Variants in STPG2 observed in about 807,000 individuals in gnomAD.
STPG2 encodes the protein sperm-tail PG-rich repeat-containing protein 2.
STPG2 carries 56 observed loss-of-function variants against 54.2 expected under a neutral mutation model. The observed-to-expected ratio is 1.03, with a 90% confidence interval of 0.83 to 1.29. The LOEUF (loss-of-function observed/expected upper bound fraction) is 1.29, where lower values mean the gene tolerates loss of function less well. Among genes scored for constraint, STPG2 ranks in the 50% most tolerant of loss-of-function variants. The pLI is 0.00. For synonymous variants in STPG2, 200 were observed against 181.8 expected (o/e 1.10, Z -0.81); for missense variants, 596 against 544.9 (o/e 1.09, Z -0.93).
At chr4:97,961,173 T>C (rs1335595045) in intron 7 of STPG2, among the ~76,000 whole-genome samples, 1 of 151,394 alleles carries the variant, frequency 6.6e-6, no homozygotes, top group South Asian at 2.1e-4. Flanking sequence ...TGAATCCTCA[T>C]TTCTCACCTT....
chr4:97,816,067 TC>T (rs1426743255), intron 9 of STPG2, among the ~76,000 whole-genome samples: 1 of 152,018 alleles, frequency 6.6e-6, no homozygotes, highest in Non-Finnish European at 1.5e-5. Flanking sequence ...TGTGTGGTGC[TC>T]CCCTCCCTGT....
At chr4:97,835,431 T>C (rs1480859821) in intron 9 of STPG2, among the ~76,000 whole-genome samples, 6 of 152,154 alleles carry the variant, frequency 3.9e-5, no homozygotes, top group Non-Finnish European at 7.4e-5. Context: ...GCTCTGTCTA[T>C]GGAGTAGCCA....
intron 8 of STPG2, among the ~76,000 whole-genome samples, chr4:97,862,697 T>C (rs1396825791): frequency 6.6e-6 from 1 of 152,128 alleles, no homozygotes; most frequent in Non-Finnish European, 1.5e-5. Flanking sequence ...GAGTTGGAAG[T>C]AAAGCACTCC....
intron 9 of STPG2, among the ~76,000 whole-genome samples, chr4:97,796,690 T>C (rs1314721798): frequency 1.1e-4 from 17 of 152,240 alleles, no homozygotes; most frequent in Admixed American, 1.1e-3. Flanking sequence ...GCTGGCTTTT[T>C]CTTAGTTCCA....
rs1162745005 is a variant in STPG2 at position 97,581,565 on chromosome 4, C to T, written c.1321-22448G>A. Among the ~76,000 whole-genome samples, 4 of 152,036 alleles carry T rather than the reference C, an allele frequency of 2.6e-5. No homozygotes were observed. In the East Asian group the frequency reaches 5.8e-4, roughly 22 times the overall value. On this transcript the variant is annotated intron_variant, in intron 10 of 10. Coordinates refer to ENST00000295268, the MANE Select transcript of STPG2 (RefSeq NM_174952.3). ...GCCTACTTTCAAAAATAATTTGGAA[C>T]TATTAATTACACTATAAAGTCTAAA...
chr4:97,878,148 C>A (rs1278796992), intron 8 of STPG2, among the ~76,000 whole-genome samples: 1 of 152,196 alleles, frequency 6.6e-6, no homozygotes, highest in African/African-American at 2.4e-5. Context: ...AACTCCAACC[C>A]TGTGGCTTTG....
intron 9 of STPG2, among the ~76,000 whole-genome samples, chr4:97,832,064 A>G (rs2149113112): frequency 6.6e-6 from 1 of 152,316 alleles, no homozygotes; most frequent in South Asian, 2.1e-4. Flanking sequence ...GAGACACAAC[A>G]AAAACAGAAA....
intron 10 of STPG2, among the ~76,000 whole-genome samples, chr4:97,598,568 AAC>A (rs1553941415): frequency 3.3e-5 from 5 of 151,898 alleles, no homozygotes; most frequent in African/African-American, 9.7e-5. Context: ...AAAAAAAAAA[AAC>A]AGACATATAG....
At position 97,980,200 on chromosome 4, in the gene STPG2, T is replaced by A. The variant is rs560182953; in HGVS notation, c.772+959A>T. ...AGAGATCATGCCTCAAAAATTTTTT[T>A]AAAAAATGATCCTGGAGTTTGAAAT... is the stretch of plus-strand genomic sequence containing the variant. On this transcript the variant is annotated intron_variant, in intron 6 of 10. Transcript: ENST00000295268. 7.1e-4 allele frequency among the ~76,000 whole-genome samples: 108 copies of A among 152,190 alleles called. 1 individual carries two copies. Among genetic ancestry groups the A allele is most frequent in the African/African-American group, 2.5e-3 (102 of 41,524 alleles).
intron 7 of STPG2, among the ~76,000 whole-genome samples, chr4:97,949,353 T>C (rs1280196430): frequency 6.6e-6 from 1 of 152,188 alleles, no homozygotes; most frequent in African/African-American, 2.4e-5. Context: ...ATATCTAGTT[T>C]GTGATTTTTC....
chr4:97,536,783 T>C (rs900595495), intron 4 of STPG2, among the ~76,000 whole-genome samples: 1 of 152,146 alleles, frequency 6.6e-6, no homozygotes, highest in Admixed American at 6.5e-5. Context: ...CTGCTAATAA[T>C]CTAAAGGGTG....
intron 1 of STPG2, among the ~76,000 whole-genome samples, chr4:98,139,118 C>G (rs1287724641): frequency 6.6e-6 from 1 of 152,158 alleles, no homozygotes; most frequent in Non-Finnish European, 1.5e-5. Context: ...AGTATCCACT[C>G]TCTCCTACCT....
At chr4:97,745,863 T>C (rs138588179) in intron 9 of STPG2, among the ~76,000 whole-genome samples, 2 of 151,378 alleles carry the variant, frequency 1.3e-5, no homozygotes, top group Admixed American at 6.6e-5. Flanking sequence ...TTCTCAAATG[T>C]CATTGCATTT....
chr4:97,849,096 G>A (rs893197827), intron 8 of STPG2, among the ~76,000 whole-genome samples: 277 of 151,170 alleles, frequency 1.8e-3, no homozygotes, highest in Non-Finnish European at 3.3e-3. Flanking sequence ...TGGGCAGTAT[G>A]GCCATTTTCA....
intron 5 of STPG2, among the ~76,000 whole-genome samples, chr4:98,085,455 T>C (rs1034192746): frequency 2.6e-5 from 4 of 152,098 alleles, no homozygotes; most frequent in African/African-American, 7.2e-5. Flanking sequence ...TACTATTACA[T>C]TGAATCCGTA....
At chr4:97,740,165 G>A (rs183825061) in intron 9 of STPG2, among the ~76,000 whole-genome samples, 1 of 151,950 alleles carries the variant, frequency 6.6e-6, no homozygotes, top group East Asian at 1.9e-4. Flanking sequence ...ATTCAACAAC[G>A]CTTCATGCTA....
intron 10 of STPG2, among the ~76,000 whole-genome samples, chr4:97,707,376 C>A (rs1400735550): frequency 2.0e-5 from 3 of 151,950 alleles, no homozygotes; most frequent in East Asian, 3.9e-4. Flanking sequence ...AAAAAATTAG[C>A]CAGGTATGGT....
chr4:97,687,555 G>C (rs1162044988), intron 10 of STPG2, among the ~76,000 whole-genome samples: 3 of 151,158 alleles, frequency 2.0e-5, no homozygotes, highest in Admixed American at 6.6e-5. Context: ...GGCCAAGCTG[G>C]TCTCGAACTC....
intron 4 of STPG2, among the ~76,000 whole-genome samples, chr4:97,541,919 T>C (rs1038337407): frequency 2.6e-5 from 4 of 152,204 alleles, no homozygotes; most frequent in Admixed American, 6.5e-5. Flanking sequence ...GCTAGCCATA[T>C]GTAGAAAGCT....
Sources: gnomAD v4.1 joint callset for allele counts (sites outside exome capture counted in the v4.1 genomes callset) on GRCh38, gnomAD v4.1.1 for gene constraint, MANE v1.5 for transcripts, NCBI Gene and HGNC (gene_info 2026-07-23, HGNC 2026-07-21) for gene names.